Variants in RORA observed in about 807,000 individuals in gnomAD.
The protein encoded by RORA is RAR related orphan receptor A.
Under a neutral mutation model 69.5 loss-of-function variants are expected in RORA, and 7 were observed. The observed-to-expected ratio is 0.10, with a 90% CI of 0.06 to 0.19. RORA has a LOEUF of 0.19. RORA is among the 10% of genes least tolerant of loss of function. The pLI, the probability that RORA is intolerant of heterozygous loss-of-function variation, is 1.00. For missense variants in RORA, 457 were observed against 663.0 expected (o/e 0.69, Z 3.41); for synonymous variants, 261 against 240.8 (o/e 1.08, Z -0.78).
At position 60,701,748 on chromosome 15, in the gene RORA, C is replaced by T. The variant is rs528922903; in HGVS notation, c.167-23062G>A. The stretch of plus-strand genomic sequence containing the variant: ...TTCTATAGGAGAGAGAGGAACGGTG[C>T]TCCTCTCCTTCCGTATTGCAAACAT... On this transcript the variant is annotated intron_variant, in intron 1 of 10. Transcript: ENST00000335670. Among the ~76,000 whole-genome samples, 3 of 152,246 alleles carry T rather than the reference C, an allele frequency of 2.0e-5. No homozygotes were observed. The East Asian group carries it at 5.8e-4, about 29-fold the overall frequency.
At chr15:60,906,183 C>A (rs1172769170) in intron 1 of RORA, among the ~76,000 whole-genome samples, 2 of 152,122 alleles carry the variant, frequency 1.3e-5, no homozygotes, top group African/African-American at 2.4e-5. Flanking sequence ...GCAGCCCTGG[C>A]GCGAGGGAAT....
intron 1 of RORA, among the ~76,000 whole-genome samples, chr15:60,712,058 A>G (rs2140810185): frequency 6.6e-6 from 1 of 152,278 alleles, no homozygotes; most frequent in South Asian, 2.1e-4. Context: ...GTGACAGTGT[A>G]TTTTTCTTCT....
rs67057464 is a variant in RORA at position 60,882,636 on chromosome 15, TACACACAC to T, written c.167-203958_167-203951del. Among the ~76,000 whole-genome samples, 955 of 147,482 alleles carry T rather than the reference TACACACAC, an allele frequency of 6.5e-3. 5 individuals are homozygous for T. Among genetic ancestry groups the T allele is most frequent in the African/African-American group, 0.014 (550 of 39,720 alleles). ...ACTTACCCTTTAGATGGAGCTTAAC[TACACACAC>T]ACACACACACACACACACACACACA... On this transcript the variant is annotated intron_variant, in intron 1 of 10. Transcript: ENST00000335670.
chr15:60,547,242 A>C (rs942065328), intron 2 of RORA, among the ~76,000 whole-genome samples: 1 of 152,110 alleles, frequency 6.6e-6, no homozygotes, highest in African/African-American at 2.4e-5. Flanking sequence ...CATTGCCCCA[A>C]ACTACTTGGA....
At chr15:60,584,846 C>T (rs1207625950) in intron 2 of RORA, among the ~76,000 whole-genome samples, 14 of 152,228 alleles carry the variant, frequency 9.2e-5, no homozygotes, top group African/African-American at 2.6e-4. Context: ...GTTTGTAAAA[C>T]GGTTGGCTTC....
chr15:61,201,437 G>C (rs1278220023), intron 1 of RORA, among the ~76,000 whole-genome samples: 1 of 152,150 alleles, frequency 6.6e-6, no homozygotes, highest in East Asian at 1.9e-4. Flanking sequence ...AGCAAAAACA[G>C]GTGAAGATAT....
At chr15:60,847,563 A>G (rs921752609) in intron 1 of RORA, among the ~76,000 whole-genome samples, 4 of 152,122 alleles carry the variant, frequency 2.6e-5, no homozygotes, top group Non-Finnish European at 5.9e-5. Context: ...CTAGACATGT[A>G]CTATCCAAAA....
intron 1 of RORA, among the ~76,000 whole-genome samples, chr15:60,899,969 G>A (rs1233857962): frequency 3.3e-5 from 5 of 152,172 alleles, no homozygotes; most frequent in African/African-American, 1.2e-4. Flanking sequence ...GGCCAGTAAA[G>A]CAAATTTTCT....
At chr15:61,154,803 A>G (rs558697390) in intron 1 of RORA, among the ~76,000 whole-genome samples, 4 of 152,208 alleles carry the variant, frequency 2.6e-5, no homozygotes, top group South Asian at 4.2e-4. Flanking sequence ...TTATTAGGGC[A>G]GTTGTGGCAA....
intron 1 of RORA, among the ~76,000 whole-genome samples, chr15:60,941,542 C>T (rs1004056116): frequency 3.3e-5 from 5 of 152,226 alleles, no homozygotes; most frequent in Non-Finnish European, 7.3e-5. Context: ...ATGAGACAGC[C>T]TCGGGCTGAG....
chr15:61,148,150 T>A (rs2140871272), intron 1 of RORA, among the ~76,000 whole-genome samples: 1 of 152,154 alleles, frequency 6.6e-6, no homozygotes, highest in East Asian at 1.9e-4. Flanking sequence ...AGCGGCAACA[T>A]GGGGCTAAAA....
chr15:60,931,927 C>T (rs1212446835), intron 1 of RORA, among the ~76,000 whole-genome samples: 3 of 152,166 alleles, frequency 2.0e-5, no homozygotes, highest in Non-Finnish European at 4.4e-5. Flanking sequence ...CTTGGCACTG[C>T]AGCTAAACAT....
Position 61,128,578 on chromosome 15 carries a change from G to T in RORA, c.166+100475C>A, listed in dbSNP as rs1374203978. Among the ~76,000 whole-genome samples the T allele has an allele frequency of 6.6e-6, 1 of 152,204 alleles. No individual in the cohort carries two copies. Among genetic ancestry groups the T allele is most frequent in the South Asian group, 2.1e-4 (1 of 4,832 alleles). On this transcript the variant is annotated intron_variant, in intron 1 of 10. Coordinates refer to ENST00000335670, the MANE Select transcript of RORA (RefSeq NM_134261.3). This position sits in a 1 kb window ranked among gnomAD's most constrained non-coding sequence, Gnocchi z 4.5. ...GATACGGGGAGAGAGAAATCCTGGGGTGTGCAATCGATGTTGTCACATATA... is the reference window on the plus strand; with the variant it reads ...GATACGGGGAGAGAGAAATCCTGGGTTGTGCAATCGATGTTGTCACATATA...
intron 1 of RORA, among the ~76,000 whole-genome samples, chr15:60,812,678 C>A (rs1331664263): frequency 6.6e-6 from 1 of 152,128 alleles, no homozygotes; most frequent in African/African-American, 2.4e-5. Flanking sequence ...CTTAAGGAGA[C>A]CAGAGACACT....
chr15:60,609,945 G>A (rs761367943), intron 2 of RORA, among the ~76,000 whole-genome samples: 3 of 152,094 alleles, frequency 2.0e-5, no homozygotes, highest in Admixed American at 6.6e-5. Flanking sequence ...CATCAAAGGC[G>A]TGAAAAAATA....
chr15:60,743,042 T>G (rs1277504540), intron 1 of RORA, among the ~76,000 whole-genome samples: 2 of 137,474 alleles, frequency 1.5e-5, no homozygotes, highest in Non-Finnish European at 3.3e-5. Context: ...TTTTTTTTAG[T>G]CTCACTTTGT....
intron 1 of RORA, among the ~76,000 whole-genome samples, chr15:61,072,267 C>A (rs2078378617): frequency 1.3e-5 from 2 of 152,078 alleles, no homozygotes; most frequent in Admixed American, 6.5e-5. Context: ...TATATGCCCC[C>A]TCTTCTCAGT....
At chr15:60,959,668 T>A (rs571986579) in intron 1 of RORA, among the ~76,000 whole-genome samples, 92 of 152,280 alleles carry the variant, frequency 6.0e-4, no homozygotes, top group African/African-American at 2.1e-3. Context: ...GTCCTTCAAG[T>A]CATCATTTCC....
chr15:60,931,057 G>C (rs1892360032), intron 1 of RORA, among the ~76,000 whole-genome samples: 1 of 152,202 alleles, frequency 6.6e-6, no homozygotes, highest in Non-Finnish European at 1.5e-5. Flanking sequence ...TAAATGGCAG[G>C]GGGAAGAGGG....
Sources: gnomAD v4.1 joint callset for allele counts (sites outside exome capture counted in the v4.1 genomes callset) on GRCh38, gnomAD v4.1.1 for gene constraint, Gnocchi (gnomAD v3.1) non-coding constraint, MANE v1.5 for transcripts, NCBI Gene and HGNC (gene_info 2026-07-23, HGNC 2026-07-21) for gene names.